The following STXBP3 variants were observed in gnomAD, a reference collection of about 807,000 sequenced individuals.
The protein encoded by STXBP3 is syntaxin binding protein 3.
A neutral mutation model predicts 85.7 loss-of-function variants in STXBP3; 41 were observed. The ratio of observed to expected loss-of-function variants is 0.48; its 90% CI spans 0.37 to 0.62. The LOEUF is 0.62. Among genes scored for constraint, STXBP3 ranks in the 20% least tolerant of loss-of-function variants. STXBP3 has a pLI of 0.00. For missense variants in STXBP3, 563 were observed against 703.1 expected (o/e 0.80, Z 2.25); for synonymous variants, 229 against 231.7 (o/e 0.99, Z 0.10).
rs1403253581 is a variant in STXBP3, at chr1:108,796,257, A to G, written c.1134A>G (p.Ala378=). The G allele has an allele frequency of 1.2e-6, 2 of 1,613,184 alleles. No homozygotes were observed. Among genetic ancestry groups the G allele is most frequent in the Non-Finnish European group, 1.7e-6 (2 of 1,179,670 alleles). Residue 378 remains alanine (A), a synonymous_variant, in exon 14 of 19, where the codon GCA becomes GCG. Coordinates refer to ENST00000370008, the MANE Select transcript of STXBP3 (RefSeq NM_007269.4). ...AGGACCTGGCACTTGGAACTGATGC[A>G]GAAGGACAGAAGGTGAAAGATTCCA... The part of the protein sequence containing the change: ...TEQDLALGTD[A]EGQKVKDSMR...
chr1:108,767,851 T>C (rs1422603310), intron 6 of STXBP3, among the ~76,000 whole-genome samples: 1 of 152,096 alleles, frequency 6.6e-6, no homozygotes, highest in Admixed American at 6.6e-5. Flanking sequence ...CCTCCCAAAG[T>C]GCTGGGACAG....
chr1:108,791,530 AC>A (rs984022605), intron 11 of STXBP3, among the ~76,000 whole-genome samples: 3 of 145,834 alleles, frequency 2.1e-5, no homozygotes, highest in African/African-American at 7.6e-5. Context: ...GCATTCTGTT[AC>A]CTTTTTTTTT....
In STXBP3 at chr1:108,771,583, TC is replaced by T. The variant is rs1662422423; in HGVS notation, c.439-1081del. ...GATATATAAATATATATGATATATA[TC>T]TATATATATCATATATAAATATATA... On this transcript the variant is annotated intron_variant, in intron 6 of 18. Transcript: ENST00000370008. 6.2e-5 allele frequency among the ~76,000 whole-genome samples: 2 copies of T among 32,144 alleles called. 1 individual carries two copies. The highest frequency in any genetic ancestry group is 1.2e-4 in the Non-Finnish European group (2 of 16,066). The allele number at this position is 32,144 out of a possible 152,430, so 21.1% of individuals were successfully genotyped here.
intron 16 of STXBP3, among the ~76,000 whole-genome samples, chr1:108,799,198 T>A (rs1192864404): frequency 6.6e-6 from 1 of 152,202 alleles, no homozygotes; most frequent in Non-Finnish European, 1.5e-5. Context: ...CTGTTTTGCT[T>A]GGCTAATTTT....
intron 8 of STXBP3, among the ~76,000 whole-genome samples, chr1:108,777,478 G>T (rs552677386): frequency 1.3e-4 from 20 of 152,202 alleles, no homozygotes; most frequent in Non-Finnish European, 2.4e-4. Flanking sequence ...TACCTTAAAA[G>T]TAACCTGTTT....
chr1:108,768,767 G>C (rs1662321041), intron 6 of STXBP3, among the ~76,000 whole-genome samples: 1 of 152,188 alleles, frequency 6.6e-6, no homozygotes, highest in Non-Finnish European at 1.5e-5. Flanking sequence ...AGATATGATA[G>C]TGCTTCAAAG....
At chr1:108,767,934 G>C (rs1300920174) in intron 6 of STXBP3, among the ~76,000 whole-genome samples, 1 of 152,130 alleles carries the variant, frequency 6.6e-6, no homozygotes, top group Non-Finnish European at 1.5e-5. Context: ...AAGAATGAGA[G>C]AATAATTTTC....
intron 1 of STXBP3, among the ~76,000 whole-genome samples, chr1:108,751,880 A>G (rs561809773): frequency 4.6e-5 from 7 of 152,322 alleles, no homozygotes; most frequent in African/African-American, 1.7e-4. Flanking sequence ...ATCATCAGAT[A>G]TAATTTAGCA....
intron 6 of STXBP3, among the ~76,000 whole-genome samples, chr1:108,768,995 A>C (rs765780468): frequency 7.9e-5 from 12 of 152,164 alleles, no homozygotes; most frequent in Non-Finnish European, 1.8e-4. Context: ...GTGCAGTTGA[A>C]AAATTTGTGT....
At chr1:108,802,444 C>T (rs1663251936) in intron 17 of STXBP3, among the ~76,000 whole-genome samples, 1 of 152,050 alleles carries the variant, frequency 6.6e-6, no homozygotes, top group Non-Finnish European at 1.5e-5. Flanking sequence ...ATTGGCTGCC[C>T]ATCCTAAGTT....
At chr1:108,747,622 C>A (rs745717013) in intron 1 of STXBP3, among the ~76,000 whole-genome samples, 4 of 152,104 alleles carry the variant, frequency 2.6e-5, no homozygotes, top group Non-Finnish European at 4.4e-5. Flanking sequence ...TAATTATGGC[C>A]TAGTAGTGGA....
chr1:108,763,625 G>A (rs1274739050), intron 6 of STXBP3, among the ~76,000 whole-genome samples: 1 of 152,090 alleles, frequency 6.6e-6, no homozygotes, highest in Non-Finnish European at 1.5e-5. Context: ...ACCCAGGCTG[G>A]GGTGCAGTGG....
intron 8 of STXBP3, among the ~76,000 whole-genome samples, chr1:108,777,796 G>A (rs560610848): frequency 6.6e-6 from 1 of 152,202 alleles, no homozygotes; most frequent in South Asian, 2.1e-4. Flanking sequence ...TGACTCTTCA[G>A]GCCAAGTGTT....
At chr1:108,800,107 T>A (rs1486419783) in intron 16 of STXBP3, 113 bp from the exon 17 acceptor site, 1 of 714,530 alleles carries the variant, frequency 1.4e-6, no homozygotes, top group African/African-American at 1.8e-5. Context: ...AATCTTATAC[T>A]AAATATTTAT....
At chr1:108,754,872 A>C (rs1418669930) in intron 3 of STXBP3, among the ~76,000 whole-genome samples, 2 of 152,172 alleles carry the variant, frequency 1.3e-5, no homozygotes, top group African/African-American at 4.8e-5. Flanking sequence ...GATACCTTTG[A>C]TATCCTCCAG....
chr1:108,789,095 T>G (rs1333687308), intron 11 of STXBP3, among the ~76,000 whole-genome samples: 6 of 152,124 alleles, frequency 3.9e-5, no homozygotes, highest in Middle Eastern at 3.2e-3. Flanking sequence ...ACTGCATATG[T>G]TATTAATATT....
At chr1:108,771,645 GATATATATCT>G (rs1662428153) in intron 6 of STXBP3, among the ~76,000 whole-genome samples, 4 of 20,778 alleles carry the variant, frequency 1.9e-4, no homozygotes, top group South Asian at 1.9e-3. Flanking sequence ...AAATATATAT[GATATATATCT>G]ATATATATCA....
At chr1:108,773,278 T>C (rs533418510) in intron 7 of STXBP3, among the ~76,000 whole-genome samples, 12 of 152,318 alleles carry the variant, frequency 7.9e-5, no homozygotes, top group Admixed American at 3.9e-4. Flanking sequence ...CCTTGACTTA[T>C]ATACTTCTTT....
At chr1:108,793,985 C>T (rs532131490) in intron 12 of STXBP3, among the ~76,000 whole-genome samples, 28 of 152,274 alleles carry the variant, frequency 1.8e-4, no homozygotes, top group Admixed American at 1.2e-3. Flanking sequence ...TAGTTACTTA[C>T]TAGTAGATTT....
Sources: allele counts gnomAD v4.1 joint callset (sites outside exome capture counted in the v4.1 genomes callset), GRCh38; gene constraint gnomAD v4.1.1; transcripts MANE v1.5; gene names NCBI Gene and HGNC (gene_info 2026-07-23, HGNC 2026-07-21).